KIAA1328: variants seen among roughly 807,000 people sequenced by gnomAD.
The protein encoded by KIAA1328 is KIAA1328.
Under a neutral mutation model 68.1 loss-of-function variants are expected in KIAA1328, and 52 were observed. The ratio of observed to expected loss-of-function variants is 0.76; its 90% CI spans 0.61 to 0.96. The LOEUF (loss-of-function observed/expected upper bound fraction) is 0.96. KIAA1328 is among the 40% of genes least tolerant of loss of function. The probability of loss-of-function intolerance (pLI) is 0.00; values close to 1 mark genes in which losing one functional copy is unlikely to be tolerated. For synonymous variants in KIAA1328, 232 were observed against 239.4 expected (o/e 0.97, Z 0.28); for missense variants, 641 against 677.6 (o/e 0.95, Z 0.60).
intron 6 of KIAA1328, among the ~76,000 whole-genome samples, chr18:37,002,827 A>C (rs2151459439): frequency 6.6e-6 from 1 of 152,278 alleles, no homozygotes; most frequent in South Asian, 2.1e-4. Flanking sequence ...TCAAAGAATT[A>C]GAGGAGACAA....
chr18:36,940,287 A>G (rs1568189164), intron 5 of KIAA1328, among the ~76,000 whole-genome samples: 1 of 152,218 alleles, frequency 6.6e-6, no homozygotes, highest in Non-Finnish European at 1.5e-5. Context: ...TGCAGAATCG[A>G]ATCCACATCT....
chr18:37,185,594 A>G (rs2154216344), intron 9 of KIAA1328, among the ~76,000 whole-genome samples: 1 of 152,264 alleles, frequency 6.6e-6, no homozygotes, highest in South Asian at 2.1e-4. Flanking sequence ...GACTACTTAT[A>G]ATGGAGAAGA....
intron 6 of KIAA1328, among the ~76,000 whole-genome samples, chr18:36,987,284 A>G (rs1402272701): frequency 2.3e-5 from 3 of 130,334 alleles, no homozygotes; most frequent in African/African-American, 8.3e-5. Context: ...GAATTGAACA[A>G]TGAGATCACA....
intron 7 of KIAA1328, among the ~76,000 whole-genome samples, chr18:37,116,094 T>C (rs1022886252): frequency 6.6e-6 from 1 of 152,010 alleles, no homozygotes; most frequent in African/African-American, 2.4e-5. Flanking sequence ...CCCAAGGCAA[T>C]TTATAGATTC....
At chr18:37,189,061 A>G (rs1283094901) in intron 9 of KIAA1328, among the ~76,000 whole-genome samples, 1 of 152,184 alleles carries the variant, frequency 6.6e-6, no homozygotes, top group Non-Finnish European at 1.5e-5. Flanking sequence ...AGGAAAAAAA[A>G]CGAATTCTTT....
chr18:37,047,055 C>T (rs980994336), intron 6 of KIAA1328, among the ~76,000 whole-genome samples: 5 of 152,134 alleles, frequency 3.3e-5, no homozygotes, highest in Admixed American at 6.6e-5. Context: ...ACACTTGAAC[C>T]GAAATCGCGC....
At chr18:37,163,725 C>T in intron 8 of KIAA1328, among the ~76,000 whole-genome samples, 1 of 152,122 alleles carries the variant, frequency 6.6e-6, no homozygotes, top group South Asian at 2.1e-4. Context: ...ATTGGAGTGT[C>T]CAAAGTACAG....
Position 37,223,509 on chromosome 18 carries a change from G to T in KIAA1328, c.*1282G>T. ...TCCAGTCATTGAAAGCAAGGGGAGG[G>T]TGTGTTCCCAGATGTGTATTACTTG... is the stretch of plus-strand genomic sequence containing the variant. On this transcript the variant is annotated 3_prime_UTR_variant, in exon 10 of 10. Transcript: ENST00000280020. The T allele has an allele frequency of 2.0e-6, 2 of 985,394 alleles. No homozygotes were observed. The highest frequency in any genetic ancestry group is 4.7e-5 in the South Asian group (1 of 21,280). The allele number at this position is 985,394 out of a possible 1,614,324, so 61.0% of individuals were successfully genotyped here.
chr18:36,954,104 G>A (rs954274136), intron 5 of KIAA1328, among the ~76,000 whole-genome samples: 3 of 144,294 alleles, frequency 2.1e-5, no homozygotes, highest in Non-Finnish European at 4.5e-5. Flanking sequence ...CCGGGTTCAC[G>A]CCATTCTCCT....
chr18:37,105,685 G>A (rs2057751096), intron 7 of KIAA1328, among the ~76,000 whole-genome samples: 1 of 151,406 alleles, frequency 6.6e-6, no homozygotes. Flanking sequence ...CAGCAATTTT[G>A]GAGGCCAAGT....
Position 37,086,928 on chromosome 18 carries a change from T to C in KIAA1328, c.1232+19383T>C, listed in dbSNP as rs1669771700. On this transcript the variant is annotated intron_variant, in intron 7 of 9. Coordinates refer to ENST00000280020, the MANE Select transcript of KIAA1328 (RefSeq NM_020776.3). Reference sequence around the variant, plus strand: ...GCAGAATCTTTTAACTGGCAAACTTTCTTCAATTTGGAGAAATTTCCTTTG... The same window carrying C: ...GCAGAATCTTTTAACTGGCAAACTTCCTTCAATTTGGAGAAATTTCCTTTG... 2.0e-5 allele frequency among the ~76,000 whole-genome samples: 3 copies of C among 152,322 alleles called. 1 individual carries two copies. In the South Asian group the frequency reaches 6.2e-4, roughly 32 times the overall value.
At chr18:36,872,167 C>T (rs1045236889) in intron 4 of KIAA1328, among the ~76,000 whole-genome samples, 6 of 152,112 alleles carry the variant, frequency 3.9e-5, no homozygotes, top group Admixed American at 2.6e-4. Context: ...GGGCTGGGTC[C>T]AGGTGGTGAG....
chr18:37,135,603 T>G (rs2058626073), intron 7 of KIAA1328, among the ~76,000 whole-genome samples: 1 of 152,210 alleles, frequency 6.6e-6, no homozygotes, highest in African/African-American at 2.4e-5. Flanking sequence ...GTCAGATGTA[T>G]AGTTTGTGAA....
At chr18:36,977,601 A>C (rs566144492) in intron 6 of KIAA1328, among the ~76,000 whole-genome samples, 2 of 152,148 alleles carry the variant, frequency 1.3e-5, no homozygotes, top group African/African-American at 4.8e-5. Flanking sequence ...AAGGACACCC[A>C]ACTGGAACTG....
intron 5 of KIAA1328, among the ~76,000 whole-genome samples, chr18:36,926,397 A>G (rs1053372472): frequency 8.8e-5 from 13 of 147,118 alleles, no homozygotes; most frequent in African/African-American, 3.2e-4. Context: ...TTATTTATTT[A>G]TTTATTTATT....
intron 5 of KIAA1328, among the ~76,000 whole-genome samples, chr18:36,949,597 T>TCCCC (rs71168248): frequency 7.8e-4 from 45 of 57,352 alleles, no homozygotes; most frequent in East Asian, 2.3e-3. Context: ...TCTACCCAGC[T>TCCCC]CCCCCCCCCC....
chr18:37,015,432 A>G (rs977640520), intron 6 of KIAA1328, among the ~76,000 whole-genome samples: 1 of 152,088 alleles, frequency 6.6e-6, no homozygotes, highest in Non-Finnish European at 1.5e-5. Flanking sequence ...CAGGTAGTGT[A>G]ATGCATCCAA....
At chr18:37,038,678 C>A (rs550250297) in intron 6 of KIAA1328, among the ~76,000 whole-genome samples, 7 of 152,088 alleles carry the variant, frequency 4.6e-5, no homozygotes, top group Admixed American at 4.6e-4. Context: ...ACTTTCTTTT[C>A]ATAATGTATG....
At chr18:36,878,046 A>G (rs113885190) in intron 4 of KIAA1328, among the ~76,000 whole-genome samples, 44 of 152,218 alleles carry the variant, frequency 2.9e-4, no homozygotes, top group African/African-American at 1.0e-3. Context: ...TGTTCCTATC[A>G]TTATGATGTT....
Sources: gnomAD v4.1 joint callset for allele counts (sites outside exome capture counted in the v4.1 genomes callset) on GRCh38, gnomAD v4.1.1 for gene constraint, MANE v1.5 for transcripts, NCBI Gene and HGNC (gene_info 2026-07-23, HGNC 2026-07-21) for gene names.